DSCAM: variants seen among roughly 807,000 people sequenced by gnomAD.
DSCAM encodes the protein cell adhesion molecule DSCAM.
A neutral mutation model predicts 217.7 loss-of-function variants in DSCAM; 47 were observed. The observed-to-expected ratio is 0.22, with a 90% confidence interval of 0.17 to 0.28. The LOEUF is 0.28. DSCAM is among the 10% of genes least tolerant of loss of function. DSCAM has a pLI of 1.00. For missense variants in DSCAM, 2,080 were observed against 2,618.3 expected (o/e 0.79, Z 4.49); for synonymous variants, 1,056 against 1,015.3 (o/e 1.04, Z -0.76).
At chr21:40,236,181 C>T (rs1220435237) in intron 11 of DSCAM, among the ~76,000 whole-genome samples, 1 of 152,144 alleles carries the variant, frequency 6.6e-6, no homozygotes, top group African/African-American at 2.4e-5. Context: ...CTAGAAACTG[C>T]TTTCTGTGTA....
intron 8 of DSCAM, among the ~76,000 whole-genome samples, chr21:40,318,336 T>A (rs2074223129): frequency 2.1e-5 from 3 of 145,520 alleles, no homozygotes; most frequent in Admixed American, 6.8e-5. Context: ...AAAGTATAAT[T>A]AAAAAAAAAA....
chr21:40,517,475 T>G (rs1276829479), intron 3 of DSCAM, among the ~76,000 whole-genome samples: 1 of 150,902 alleles, frequency 6.6e-6, no homozygotes, highest in Non-Finnish European at 1.5e-5. Flanking sequence ...AAGCCAGCCT[T>G]TGCAGCCTAC....
intron 5 of DSCAM, among the ~76,000 whole-genome samples, chr21:40,353,238 G>A (rs528690564): frequency 2.6e-5 from 4 of 152,178 alleles, no homozygotes; most frequent in East Asian, 1.9e-4. Flanking sequence ...TTGGGGATCA[G>A]AAAGATTTCA....
intron 10 of DSCAM, among the ~76,000 whole-genome samples, chr21:40,279,253 C>A (rs539945361): frequency 6.6e-6 from 1 of 152,278 alleles, no homozygotes; most frequent in Non-Finnish European, 1.5e-5. Flanking sequence ...TCTGCTCCCT[C>A]CTTGGAAATA....
At position 40,708,696 on chromosome 21, in the gene DSCAM, G is replaced by A. The variant is rs750701148; in HGVS notation, c.119C>T (p.Thr40Met). ...TGCGGGGCAGGGCACCAGAGTCCCC[G>A]TGGTGCTGGCAAACACTACCTCTTG... ...SLQEVVFAST[T>M]GTLVPCPAAG... Residue 40 changes from threonine (T) to methionine (M), a missense_variant, in exon 2 of 33, where the codon ACG becomes ATG. This residue lies in a region of DSCAM where 568 missense variants were observed against 678.1 expected (regional missense o/e 0.84). Coordinates refer to ENST00000400454, the MANE Select transcript of DSCAM (RefSeq NM_001389.5). 3.1e-6 allele frequency: 5 copies of A among 1,611,932 alleles called. No homozygotes were observed. Among genetic ancestry groups the A allele is most frequent in the Non-Finnish European group, 3.4e-6 (4 of 1,179,004 alleles).
intron 15 of DSCAM, among the ~76,000 whole-genome samples, chr21:40,169,918 A>G (rs1406434299): frequency 6.6e-6 from 1 of 151,630 alleles, no homozygotes; most frequent in Non-Finnish European, 1.5e-5. Context: ...CCCCACTCCC[A>G]CCCCACTTCT....
At chr21:40,306,532 G>A (rs985923660) in intron 9 of DSCAM, among the ~76,000 whole-genome samples, 118 of 145,872 alleles carry the variant, frequency 8.1e-4, no homozygotes, top group Non-Finnish European at 1.2e-3. Context: ...GTTTTCAAAG[G>A]GAATGCTTCC....
intron 3 of DSCAM, among the ~76,000 whole-genome samples, chr21:40,647,330 C>T (rs986996482): frequency 2.0e-5 from 3 of 152,080 alleles, no homozygotes; most frequent in Non-Finnish European, 2.9e-5. Context: ...AAAAACTCTT[C>T]TGTAATATAT....
chr21:40,538,214 G>A lies in DSCAM; in HGVS notation c.508+154596C>T, dbSNP rs184010894. On this transcript the variant is annotated intron_variant, in intron 3 of 32. Transcript: ENST00000400454. ...TCTGCCCTCTCCACTCAGAGGTCACGTGTTTGATCAAGAGATGGGGTGTTA... is the reference window on the plus strand; with the variant it reads ...TCTGCCCTCTCCACTCAGAGGTCACATGTTTGATCAAGAGATGGGGTGTTA... Among the ~76,000 whole-genome samples, 68 of 152,246 alleles carry A rather than the reference G, an allele frequency of 4.5e-4. 1 individual carries two copies. The highest frequency in any genetic ancestry group is 4.0e-3 in the Admixed American group (61 of 15,292).
chr21:40,481,215 T>C lies in DSCAM; in HGVS notation c.509-111970A>G, dbSNP rs151271989. Among the ~76,000 whole-genome samples, 563 of 152,112 alleles carry C rather than the reference T, an allele frequency of 3.7e-3. 3 individuals are homozygous for C. The highest frequency in any genetic ancestry group is 6.2e-3 in the Admixed American group (94 of 15,266). On this transcript the variant is annotated intron_variant, in intron 3 of 32. Coordinates refer to ENST00000400454, the MANE Select transcript of DSCAM (RefSeq NM_001389.5). ...AGAAAGACCACAAGAACAGGCCGGG[T>C]GCGGTAGCTCACGCCTGTAATCCCA...
chr21:40,197,141 C>T (rs575981674), intron 11 of DSCAM, among the ~76,000 whole-genome samples: 301 of 151,766 alleles, frequency 2.0e-3, no homozygotes, highest in African/African-American at 3.9e-3. Flanking sequence ...TTTTTTGAGA[C>T]GGAGTCTTGC....
At chr21:40,701,005 T>A (rs1338242543) in intron 2 of DSCAM, among the ~76,000 whole-genome samples, 1 of 152,178 alleles carries the variant, frequency 6.6e-6, no homozygotes. Context: ...CCAAAAGTGC[T>A]GGGATTACAG....
At chr21:40,111,132 A>G (rs1970795849) in intron 20 of DSCAM, among the ~76,000 whole-genome samples, 1 of 152,208 alleles carries the variant, frequency 6.6e-6, no homozygotes, top group African/African-American at 2.4e-5. Flanking sequence ...CCAAAGTTGA[A>G]ATGAAGGAAA....
chr21:40,606,506 C>A (rs2089240410), intron 3 of DSCAM, among the ~76,000 whole-genome samples: 1 of 152,222 alleles, frequency 6.6e-6, no homozygotes, highest in African/African-American at 2.4e-5. Flanking sequence ...AAGTACAAAT[C>A]CTCTAGCTGG....
chr21:40,033,957 A>G (rs1479795331), intron 32 of DSCAM, among the ~76,000 whole-genome samples: 1 of 134,036 alleles, frequency 7.5e-6, no homozygotes, highest in African/African-American at 3.0e-5. Context: ...ACAGACCTGC[A>G]GCTGAGGGTC....
At chr21:40,268,615 G>GGAGGAA (rs142016682) in intron 11 of DSCAM, among the ~76,000 whole-genome samples, 12,983 of 151,890 alleles carry the variant, frequency 0.085, 1,331 homozygotes, top group African/African-American at 0.22. Context: ...AGGAGGAGGA[G>GGAGGAA]GAGAACAGTG....
At chr21:40,101,286 C>A (rs771943363) in intron 20 of DSCAM, among the ~76,000 whole-genome samples, 4 of 152,084 alleles carry the variant, frequency 2.6e-5, no homozygotes, top group Non-Finnish European at 4.4e-5. Flanking sequence ...GAGAAGCAAG[C>A]CAACATTTAT....
At chr21:40,566,208 C>G (rs1325136033) in intron 3 of DSCAM, among the ~76,000 whole-genome samples, 1 of 152,036 alleles carries the variant, frequency 6.6e-6, no homozygotes, top group Non-Finnish European at 1.5e-5. Context: ...GCACTGTTGA[C>G]GCTCAGAAAC....
chr21:40,565,834 G>C (rs1359146836), intron 3 of DSCAM, among the ~76,000 whole-genome samples: 3 of 152,178 alleles, frequency 2.0e-5, no homozygotes, highest in East Asian at 1.9e-4. Context: ...CAAAACTTCA[G>C]AGTCCCAGTT....
Sources: gnomAD v4.1 joint callset for allele counts (sites outside exome capture counted in the v4.1 genomes callset) on GRCh38, gnomAD v4.1.1 for gene constraint, gnomAD v4.1.1 regional missense constraint, MANE v1.5 for transcripts, NCBI Gene and HGNC (gene_info 2026-07-23, HGNC 2026-07-21) for gene names.